Variants in CSMD3 observed in about 807,000 individuals in gnomAD.
The protein encoded by CSMD3 is CUB and Sushi multiple domains 3.
CSMD3 carries 177 observed loss-of-function variants against 435.2 expected under a neutral mutation model. The observed-to-expected ratio is 0.41, with a 90% CI of 0.36 to 0.46. CSMD3 has a LOEUF of 0.46. Among genes scored for constraint, CSMD3 ranks in the 20% least tolerant of loss-of-function variants. The pLI is 0.34. For synonymous variants in CSMD3, 1,656 were observed against 1,520.5 expected (o/e 1.09, Z -2.07); for missense variants, 4,265 against 4,504.6 (o/e 0.95, Z 1.52).
intron 37 of CSMD3, among the ~76,000 whole-genome samples, chr8:112,382,918 G>C (rs1161370385): frequency 2.0e-5 from 3 of 152,206 alleles, no homozygotes; most frequent in Non-Finnish European, 2.9e-5. Flanking sequence ...TTGGACCCAG[G>C]AGGCAGAGGT....
At chr8:112,610,137 A>T (rs530692255) in intron 22 of CSMD3, among the ~76,000 whole-genome samples, 11 of 152,268 alleles carry the variant, frequency 7.2e-5, no homozygotes, top group African/African-American at 2.4e-4. Flanking sequence ...TTATAAGCTT[A>T]AAATTTGCTG....
chr8:112,552,543 G>A (rs777858251), intron 26 of CSMD3, 51 bp downstream of exon 26: 10 of 1,568,550 alleles, frequency 6.4e-6, no homozygotes, highest in African/African-American at 1.4e-5. Flanking sequence ...ATAGGGGTTG[G>A]TTAGGCACTT....
chr8:112,377,118 A>G (rs923596516), intron 38 of CSMD3, among the ~76,000 whole-genome samples: 5 of 152,078 alleles, frequency 3.3e-5, no homozygotes, highest in Admixed American at 3.3e-4. Flanking sequence ...TAAAATTTCT[A>G]CAGCATCTAG....
At chr8:112,682,096 T>C (rs769475448) in intron 16 of CSMD3, among the ~76,000 whole-genome samples, 1 of 152,020 alleles carries the variant, frequency 6.6e-6, no homozygotes, top group Non-Finnish European at 1.5e-5. Flanking sequence ...CATGAATAGA[T>C]AACATACCGA....
In CSMD3 at chr8:112,741,794, A is replaced by AG. The variant is rs151301351; in HGVS notation, c.1973-51745_1973-51744insC. On this transcript the variant is annotated intron_variant, in intron 13 of 70. Coordinates refer to ENST00000297405, the MANE Select transcript of CSMD3 (RefSeq NM_198123.2). The stretch of plus-strand genomic sequence containing the variant: ...AGATGATAGATAGATAGATAGAGAG[A>AG]AGATAGATAGATAGATAGATAGATA... Among the ~76,000 whole-genome samples, 370 of 149,468 alleles carry AG rather than the reference A, an allele frequency of 2.5e-3. 3 individuals carry two copies. Among genetic ancestry groups the AG allele is most frequent in the African/African-American group, 8.6e-3 (349 of 40,508 alleles).
At chr8:113,318,516 G>T (rs2093926612) in intron 1 of CSMD3, among the ~76,000 whole-genome samples, 1 of 151,794 alleles carries the variant, frequency 6.6e-6, no homozygotes, top group African/African-American at 2.4e-5. Context: ...TTGTACATCA[G>T]GCCTCTAAAC....
chr8:112,736,314 G>C (rs1312298977), intron 13 of CSMD3, among the ~76,000 whole-genome samples: 1 of 151,904 alleles, frequency 6.6e-6, no homozygotes, highest in Non-Finnish European at 1.5e-5. Flanking sequence ...ACCTTTGTTG[G>C]TTCCTGGTAA....
intron 32 of CSMD3, among the ~76,000 whole-genome samples, chr8:112,450,850 T>C (rs981463685): frequency 2.6e-5 from 4 of 152,218 alleles, no homozygotes; most frequent in Admixed American, 6.5e-5. Context: ...CTTTAAAATA[T>C]GTATCAAGAA....
chr8:112,410,534 T>C (rs1204933610), intron 32 of CSMD3, among the ~76,000 whole-genome samples: 1 of 139,848 alleles, frequency 7.2e-6, no homozygotes, highest in Admixed American at 7.5e-5. Context: ...ATTTGTTTTC[T>C]AATGGAAAGA....
In CSMD3 at chr8:112,928,625, T is replaced by G. The variant is rs566631515; in HGVS notation, c.1509-6874A>C. Among the ~76,000 whole-genome samples the G allele has an allele frequency of 1.5e-3, 224 of 150,734 alleles. 1 individual carries two copies. The highest frequency in any genetic ancestry group is 5.3e-3 in the African/African-American group (219 of 41,052). On this transcript the variant is annotated intron_variant, in intron 9 of 70. Transcript: ENST00000297405. The stretch of plus-strand genomic sequence containing the variant: ...CTACAAAGGACATGAACTCATCATT[T>G]TTTATGGCTGCATAGTATTCCATGG...
chr8:112,928,583 C>A (rs954697010), intron 9 of CSMD3, among the ~76,000 whole-genome samples: 14 of 151,040 alleles, frequency 9.3e-5, no homozygotes, highest in Admixed American at 2.7e-4. Context: ...TGATGATTTC[C>A]AATTTCATCC....
intron 33 of CSMD3, 40 bp downstream of exon 33, chr8:112,408,879 T>C (rs1270048216): frequency 1.2e-6 from 2 of 1,613,080 alleles, no homozygotes; most frequent in Admixed American, 3.3e-5. Context: ...AGTCAGTCTT[T>C]AATCAGTAAC....
At chr8:113,057,489 T>C (rs2131350638) in intron 5 of CSMD3, among the ~76,000 whole-genome samples, 1 of 152,088 alleles carries the variant, frequency 6.6e-6, no homozygotes, top group South Asian at 2.1e-4. Context: ...TGAATCTCAT[T>C]AGAGCCAAAA....
At chr8:113,381,255 T>C (rs117237989) in intron 1 of CSMD3, among the ~76,000 whole-genome samples, 2 of 152,198 alleles carry the variant, frequency 1.3e-5, no homozygotes, top group Admixed American at 6.5e-5. Flanking sequence ...GTGAGGGAAA[T>C]AATTTATATA....
chr8:112,237,151 T>C (rs2129986729), intron 67 of CSMD3, 39 bp downstream of exon 67: 1 of 1,592,604 alleles, frequency 6.3e-7, no homozygotes, highest in East Asian at 2.2e-5. Context: ...AGAAATAAAG[T>C]CATGAAGGTA....
rs940073461 is a variant in CSMD3 at position 113,059,448 on chromosome 8, A to G, written c.917+39308T>C. ...TTACAATCCACTCATTTTCCCTCCT[A>G]TCTTTTATATTGTTCTGCATTTGAT... On this transcript the variant is annotated intron_variant, in intron 5 of 70. Coordinates refer to ENST00000297405, the MANE Select transcript of CSMD3 (RefSeq NM_198123.2). Among the ~76,000 whole-genome samples, 7 of 152,032 alleles carry G rather than the reference A, an allele frequency of 4.6e-5. No individual in the cohort carries two copies. The South Asian group carries it at 1.0e-3, about 23-fold the overall frequency.
At chr8:112,628,445 T>C (rs1425079376) in intron 22 of CSMD3, among the ~76,000 whole-genome samples, 8 of 152,172 alleles carry the variant, frequency 5.3e-5, no homozygotes. Context: ...ACTTGAGAGA[T>C]TGTGTGTAAA....
At chr8:113,005,076 G>T (rs1026642799) in intron 6 of CSMD3, among the ~76,000 whole-genome samples, 2 of 151,516 alleles carry the variant, frequency 1.3e-5, no homozygotes, top group Non-Finnish European at 2.9e-5. Flanking sequence ...CATATATATA[G>T]TGTGTGTGTC....
intron 11 of CSMD3, 27 bp downstream of exon 11, chr8:112,859,118 T>C (rs1224906849): frequency 6.2e-7 from 1 of 1,602,272 alleles, no homozygotes. Context: ...TGACTTTTTT[T>C]TTAAATCACA....
Sources: gnomAD v4.1 joint callset for allele counts (sites outside exome capture counted in the v4.1 genomes callset) on GRCh38, gnomAD v4.1.1 for gene constraint, MANE v1.5 for transcripts, NCBI Gene and HGNC (gene_info 2026-07-23, HGNC 2026-07-21) for gene names.